TUSC3: variants seen among roughly 807,000 people sequenced by gnomAD.
TUSC3 encodes the protein tumor suppressor candidate 3.
A neutral mutation model predicts 44.8 loss-of-function variants in TUSC3; 45 were observed. The ratio of observed to expected loss-of-function variants is 1.00; its 90% CI spans 0.79 to 1.29. The LOEUF is 1.29. TUSC3 is among the 50% of genes most tolerant of loss of function. TUSC3 has a pLI of 0.00. For missense variants in TUSC3, 519 were observed against 437.9 expected, an observed-to-expected ratio of 1.19 and a Z score of -1.65; for synonymous variants, 212 against 152.9, an observed-to-expected ratio of 1.39 and a Z score of -2.85.
the TUSC3 span, among the ~76,000 whole-genome samples, chr8:15,811,819 A>G: frequency 6.6e-6 from 1 of 152,104 alleles, no homozygotes; most frequent in Non-Finnish European, 1.5e-5. Context: ...AGTTTCCTTG[A>G]GGGCTGTCAC....
chr8:15,478,573 C>T (rs1800614727), intron 1 of TUSC3, among the ~76,000 whole-genome samples: 1 of 152,150 alleles, frequency 6.6e-6, no homozygotes, highest in Non-Finnish European at 1.5e-5. Flanking sequence ...CAATGGCTTC[C>T]AGCACCATCC....
intron 1 of TUSC3, among the ~76,000 whole-genome samples, chr8:15,448,823 G>C (rs1357188361): frequency 6.6e-6 from 1 of 152,096 alleles, no homozygotes; most frequent in African/African-American, 2.4e-5. Flanking sequence ...TATGCATTTT[G>C]GTCAACAGAC....
intron 2 of TUSC3, among the ~76,000 whole-genome samples, chr8:15,510,319 A>T (rs1801116319): frequency 6.6e-6 from 1 of 152,190 alleles, no homozygotes; most frequent in Non-Finnish European, 1.5e-5. Flanking sequence ...CTGGTTCTTT[A>T]TGAGATCAAT....
At chr8:15,847,391 G>A in the TUSC3 span, among the ~76,000 whole-genome samples, 21 of 152,234 alleles carry the variant, frequency 1.4e-4, no homozygotes, top group African/African-American at 5.1e-4. Flanking sequence ...AAACTTCTCT[G>A]TTGTGCAAAA....
At chr8:15,793,687 G>T in the TUSC3 span, among the ~76,000 whole-genome samples, 3 of 152,158 alleles carry the variant, frequency 2.0e-5, no homozygotes, top group African/African-American at 4.8e-5. Context: ...AGTTCCATGA[G>T]GGCAGGATTT....
At chr8:15,736,471 A>G (rs1417906814) in intron 7 of TUSC3, among the ~76,000 whole-genome samples, 1 of 152,190 alleles carries the variant, frequency 6.6e-6, no homozygotes, top group Non-Finnish European at 1.5e-5. Context: ...GAACTGTGGT[A>G]TCAAATGATA....
chr8:15,497,688 T>C (rs956410630), intron 2 of TUSC3, among the ~76,000 whole-genome samples: 4 of 152,106 alleles, frequency 2.6e-5, no homozygotes, highest in Admixed American at 6.5e-5. Flanking sequence ...GGAAGGAAAA[T>C]GCACGCAAGA....
the TUSC3 span, among the ~76,000 whole-genome samples, chr8:15,835,744 G>C: frequency 6.6e-6 from 1 of 152,288 alleles, no homozygotes; most frequent in East Asian, 1.9e-4. Flanking sequence ...GGGGATGTAT[G>C]TGTGCGTTGT....
chr8:15,663,861 C>G (rs142150653), intron 5 of TUSC3, among the ~76,000 whole-genome samples: 62 of 151,892 alleles, frequency 4.1e-4, no homozygotes, highest in African/African-American at 1.5e-3. Flanking sequence ...GGTAAAAATG[C>G]AGTACTTTCA....
In TUSC3 at chr8:15,635,123, A is replaced by T. The variant is rs973222458; in HGVS notation, c.308+11874A>T. On this transcript the variant is annotated intron_variant, in intron 2 of 10. Transcript: ENST00000503731. ...TATATTGGTTGAGTTTCCTCAAGGT[A>T]ACTGTCAAGGAAGGAAAGGAAGCAT... Among the ~76,000 whole-genome samples, 6 of 152,138 alleles carry T rather than the reference A, an allele frequency of 3.9e-5. No individual in the cohort carries two copies. In the East Asian group the frequency reaches 1.2e-3, roughly 29 times the overall value.
chr8:15,625,313 G>T (rs1805451061), intron 2 of TUSC3, among the ~76,000 whole-genome samples: 1 of 152,046 alleles, frequency 6.6e-6, no homozygotes, highest in Non-Finnish European at 1.5e-5. Context: ...ATTGTTTATA[G>T]TGTCTTTGTT....
chr8:15,819,645 G>A, the TUSC3 span, among the ~76,000 whole-genome samples: 7 of 152,112 alleles, frequency 4.6e-5, no homozygotes, highest in African/African-American at 1.7e-4. Context: ...GTCTTTTGAT[G>A]CCTTGCAAAG....
At chr8:15,833,022 T>C in the TUSC3 span, among the ~76,000 whole-genome samples, 1 of 152,092 alleles carries the variant, frequency 6.6e-6, no homozygotes, top group South Asian at 2.1e-4. Flanking sequence ...ATTGATCACA[T>C]AATCGGAAGT....
chr8:15,781,957 A>G, the TUSC3 span, among the ~76,000 whole-genome samples: 1 of 152,196 alleles, frequency 6.6e-6, no homozygotes, highest in African/African-American at 2.4e-5. Flanking sequence ...AGATGGCAAA[A>G]GCCAGTCTCT....
At chr8:15,498,958 A>C (rs147346563) in intron 2 of TUSC3, among the ~76,000 whole-genome samples, 2 of 151,766 alleles carry the variant, frequency 1.3e-5, no homozygotes, top group African/African-American at 4.8e-5. Context: ...GGTGCCTTTT[A>C]TTTTTTCTCA....
chr8:15,658,769 A>T (rs1452836599), intron 3 of TUSC3, among the ~76,000 whole-genome samples: 2 of 151,858 alleles, frequency 1.3e-5, no homozygotes, highest in Admixed American at 6.6e-5. Flanking sequence ...AACCTAATAT[A>T]TGTTTTTAGA....
At chr8:15,739,677 G>A (rs1004389786) in intron 7 of TUSC3, among the ~76,000 whole-genome samples, 3 of 152,166 alleles carry the variant, frequency 2.0e-5, no homozygotes, top group Non-Finnish European at 4.4e-5. Context: ...TGTTTATGGA[G>A]TAGTAAAATG....
chr8:15,679,529 C>G (rs904953661), intron 6 of TUSC3, among the ~76,000 whole-genome samples: 5 of 151,984 alleles, frequency 3.3e-5, no homozygotes, highest in African/African-American at 1.2e-4. Context: ...TGTATTTTCT[C>G]CTGTTGTGTA....
At chr8:15,826,509 T>C in the TUSC3 span, among the ~76,000 whole-genome samples, 1 of 152,206 alleles carries the variant, frequency 6.6e-6, no homozygotes, top group Non-Finnish European at 1.5e-5. Context: ...TACTCACCTA[T>C]ATAGGGGAGC....
Sources: gnomAD v4.1 joint callset for allele counts (sites outside exome capture counted in the v4.1 genomes callset) on GRCh38, gnomAD v4.1.1 for gene constraint, MANE v1.5 for transcripts, NCBI Gene and HGNC (gene_info 2026-07-23, HGNC 2026-07-21) for gene names.